Variants in UGP2 observed in about 807,000 individuals in gnomAD.
UGP2 encodes the protein UDP-glucose pyrophosphorylase 2, also known as UTP--glucose-1-phosphate uridylyltransferase.
In UGP2, 40 loss-of-function variants were observed where a neutral mutation model predicts 49.0. The ratio of observed to expected loss-of-function variants is 0.82; its 90% CI spans 0.63 to 1.06. UGP2 has a LOEUF of 1.06. UGP2 is among the 50% of genes least tolerant of loss of function. The probability of loss-of-function intolerance (pLI) is 0.00; values close to 1 mark genes in which losing one functional copy is unlikely to be tolerated. For synonymous variants in UGP2, 225 were observed against 213.0 expected, an observed-to-expected ratio of 1.06 and a Z score of -0.49; for missense variants, 460 against 603.5, an observed-to-expected ratio of 0.76 and a Z score of 2.49.
At chr2:63,862,582 A>G (rs1377035697) in intron 3 of UGP2, among the ~76,000 whole-genome samples, 4 of 152,132 alleles carry the variant, frequency 2.6e-5, no homozygotes, top group Non-Finnish European at 4.4e-5. Context: ...TGGAACTTTA[A>G]TGGCAGTTAC....
intron 3 of UGP2, among the ~76,000 whole-genome samples, chr2:63,880,153 TCCCCTTC>T (rs1169365200): frequency 2.1e-5 from 3 of 141,770 alleles, no homozygotes; most frequent in Non-Finnish European, 3.1e-5. Context: ...CTCTCCCCTC[TCCCCTTC>T]CCCCTTCCCC....
rs562258465 is a variant in UGP2 at position 63,857,554 on chromosome 2, C to T, written c.148-275C>T. On this transcript the variant is annotated intron_variant, in intron 2 of 9. Coordinates refer to ENST00000337130, the MANE Select transcript of UGP2 (RefSeq NM_006759.4). ...ATTTTTGTATTTTTTTTGTAGACACCGGGTTTTGCCATATTGCCGAGGCTG... is the reference window on the plus strand; with the variant it reads ...ATTTTTGTATTTTTTTTGTAGACACTGGGTTTTGCCATATTGCCGAGGCTG... 126 of 481,626 alleles carry T rather than the reference C, an allele frequency of 2.6e-4. 1 individual carries two copies. The highest frequency in any genetic ancestry group is 8.8e-4 in the Admixed American group (38 of 43,054). The allele number at this position is 481,626 out of a possible 1,614,324, so 29.8% of individuals were successfully genotyped here.
intron 2 of UGP2, 88 bp from the exon 3 acceptor site, chr2:63,857,741 T>C (rs1247758073): frequency 7.7e-7 from 1 of 1,303,114 alleles, no homozygotes; most frequent in East Asian, 2.3e-5. Context: ...TTTAACGATA[T>C]TTTAAATGTG....
chr2:63,851,394 A>G (rs754498638), intron 1 of UGP2, among the ~76,000 whole-genome samples: 7 of 152,200 alleles, frequency 4.6e-5, no homozygotes, highest in Non-Finnish European at 1.0e-4. Context: ...TAATACAGAG[A>G]CAGGAGTGAT....
chr2:63,889,816 T>TAAA, intron 8 of UGP2: 9 of 261,766 alleles, frequency 3.4e-5, no homozygotes, highest in East Asian at 7.8e-5. Context: ...TTGATTATCT[T>TAAA]TAAAAAAAAA....
At chr2:63,849,443 C>A (rs1668898263) in intron 1 of UGP2, among the ~76,000 whole-genome samples, 1 of 152,148 alleles carries the variant, frequency 6.6e-6, no homozygotes, top group Non-Finnish European at 1.5e-5. Context: ...TAGTTATATC[C>A]ACTGTTTTGG....
At chr2:63,865,674 G>C (rs1670137120) in intron 3 of UGP2, among the ~76,000 whole-genome samples, 1 of 151,828 alleles carries the variant, frequency 6.6e-6, no homozygotes, top group East Asian at 1.9e-4. Flanking sequence ...GAGTAGCAGG[G>C]ACTACAGGCA....
At chr2:63,887,875 T>C in intron 8 of UGP2, 4 of 536,138 alleles carry the variant, frequency 7.5e-6, no homozygotes, top group Non-Finnish European at 9.4e-6. Flanking sequence ...TTTTGGGGCA[T>C]TTTATCTTCT....
chr2:63,866,817 G>A (rs1052306923), intron 3 of UGP2, among the ~76,000 whole-genome samples: 5 of 152,144 alleles, frequency 3.3e-5, no homozygotes, highest in African/African-American at 1.2e-4. Flanking sequence ...CAGGATGGAC[G>A]ATCCTATGCC....
chr2:63,843,850 T>G (rs943743194), intron 1 of UGP2, among the ~76,000 whole-genome samples: 5 of 152,246 alleles, frequency 3.3e-5, no homozygotes, highest in African/African-American at 1.2e-4. Flanking sequence ...GATACCAGAT[T>G]GCACTTAGTT....
chr2:63,854,563 G>C (rs1263513115), intron 1 of UGP2, among the ~76,000 whole-genome samples: 1 of 22,162 alleles, frequency 4.5e-5, no homozygotes, highest in Non-Finnish European at 7.3e-5. Flanking sequence ...TCCCTGCTCT[G>C]TGCCTCCTGG....
chr2:63,859,361 CTT>C (rs1046308475), intron 3 of UGP2: 4 of 152,088 alleles, frequency 2.6e-5, no homozygotes, highest in African/African-American at 7.3e-5. Flanking sequence ...ACAAACTTAA[CTT>C]TTCGGAGACA....
At chr2:63,876,557 C>A (rs1047010824) in intron 3 of UGP2, among the ~76,000 whole-genome samples, 33 of 152,158 alleles carry the variant, frequency 2.2e-4, no homozygotes, top group African/African-American at 8.0e-4. Flanking sequence ...CTCGGCAGGA[C>A]CTACATTTAA....
At chr2:63,861,882 G>A (rs1252505225) in intron 3 of UGP2, among the ~76,000 whole-genome samples, 1 of 151,860 alleles carries the variant, frequency 6.6e-6, no homozygotes, top group South Asian at 2.1e-4. Flanking sequence ...AAATTGCTGA[G>A]ACTTTTTCTT....
chr2:63,891,200 T>C lies in UGP2; in HGVS notation c.1500T>C (p.Ser500=). The C allele has an allele frequency of 6.2e-7, 1 of 1,613,708 alleles. No individual in the cohort carries two copies. The highest frequency in any genetic ancestry group is 8.5e-7 in the Non-Finnish European group (1 of 1,179,770). The change falls in exon 10 of 10, where the codon TCT becomes TCC. Residue 500 remains serine (S), a synonymous_variant. Transcript: ENST00000337130. The stretch of plus-strand genomic sequence containing the variant: ...CAGTATTAGAGAACAAGATTGTGTC[T>C]GGAAACCTTCGCATCTTGGACCACT... ...PGAVLENKIV[S]GNLRILDH
chr2:63,855,370 T>G (rs781580812), intron 1 of UGP2: 1 of 457,870 alleles, frequency 2.2e-6, no homozygotes, highest in Non-Finnish European at 4.3e-6. Context: ...AATCAAATAC[T>G]AAGGATAGAA....
chr2:63,865,720 A>G (rs567838884), intron 3 of UGP2, among the ~76,000 whole-genome samples: 1 of 151,970 alleles, frequency 6.6e-6, no homozygotes, highest in Non-Finnish European at 1.5e-5. Context: ...CAAATTTTTT[A>G]TAAAGACAAG....
chr2:63,873,592 G>A (rs1212098708), intron 3 of UGP2, among the ~76,000 whole-genome samples: 1 of 152,080 alleles, frequency 6.6e-6, no homozygotes, highest in African/African-American at 2.4e-5. Flanking sequence ...AGATGTGGAA[G>A]AGAAAGAAAA....
At chr2:63,856,607 C>T (rs1669448580) in intron 2 of UGP2, among the ~76,000 whole-genome samples, 174 bp downstream of exon 2, 1 of 152,128 alleles carries the variant, frequency 6.6e-6, no homozygotes, top group Non-Finnish European at 1.5e-5. Context: ...TAACATTTGC[C>T]CTTTGTAAAT....
Sources: allele counts gnomAD v4.1 joint callset (sites outside exome capture counted in the v4.1 genomes callset), GRCh38; gene constraint gnomAD v4.1.1; transcripts MANE v1.5; gene names NCBI Gene and HGNC (gene_info 2026-07-23, HGNC 2026-07-21).